Variants in ZNF589 observed in about 807,000 individuals in gnomAD.
The protein encoded by ZNF589 is KRAB-zinc finger protein SZF1-1.
A neutral mutation model predicts 13.6 loss-of-function variants in ZNF589; 17 were observed. The ratio of observed to expected loss-of-function variants is 1.25; its 90% CI spans 0.86 to 1.88. The LOEUF is 1.88. Ranked by LOEUF, ZNF589 falls within the 40% of genes most tolerant of loss-of-function variation. The pLI is 0.00. For missense variants in ZNF589, 407 were observed against 434.0 expected (o/e 0.94, Z 0.55); for synonymous variants, 148 against 161.6 (o/e 0.92, Z 0.64).
chr3:48,260,377 C>T (rs542060485), intron 2 of ZNF589, among the ~76,000 whole-genome samples: 29 of 152,004 alleles, frequency 1.9e-4, no homozygotes, highest in African/African-American at 6.8e-4. Flanking sequence ...TGGGCTCAAG[C>T]AATCCTCTCA....
At position 48,268,365 on chromosome 3, in the gene ZNF589, A is replaced by C; in HGVS notation, c.674A>C (p.Asn225Thr). 6.2e-7 allele frequency: 1 copy of C among 1,614,182 alleles called. No homozygotes were observed. Among genetic ancestry groups the C allele is most frequent in the South Asian group, 1.1e-5 (1 of 91,086 alleles). The change falls in exon 4 of 4, where the codon AAC becomes ACC. Residue 225 changes from asparagine (N) to threonine (T), a missense_variant. Coordinates refer to ENST00000354698, the MANE Select transcript of ZNF589 (RefSeq NM_016089.3). ...TTTGGGGAGTGTGCACTAGCTTTTAACCAGAAGTCAAACCTGTTCAGACAG... is the reference window on the plus strand; with the variant it reads ...TTTGGGGAGTGTGCACTAGCTTTTACCCAGAAGTCAAACCTGTTCAGACAG... Reference protein sequence around the residue: ...VTFGECALAFNQKSNLFRQKA... With the variant: ...VTFGECALAFTQKSNLFRQKA...
rs1211820157 is a variant in ZNF589 at position 48,269,031 on chromosome 3, G to C, written c.*245G>C. On this transcript the variant is annotated 3_prime_UTR_variant, in exon 4 of 4. Transcript: ENST00000354698. The stretch of plus-strand genomic sequence containing the variant: ...TCAGGGGAGAAGCCTTATGTGTGTG[G>C]GGAATGTGGGCGGGGATTTAGCCGG... 5 of 690,496 alleles carry C rather than the reference G, an allele frequency of 7.2e-6. No homozygotes were observed. Among genetic ancestry groups the C allele is most frequent in the Non-Finnish European group, 7.4e-6 (3 of 403,974 alleles). The allele number at this position is 690,496 out of a possible 1,614,324, so 42.8% of individuals were successfully genotyped here. A position where few individuals can be genotyped will look rare whatever the true frequency, so the allele number is the denominator to read the frequency against.
At chr3:48,248,696 T>C (rs977835677) in intron 2 of ZNF589, among the ~76,000 whole-genome samples, 1 of 152,138 alleles carries the variant, frequency 6.6e-6, no homozygotes, top group African/African-American at 2.4e-5. Context: ...AAATGATGCA[T>C]AGAGACAGGA....
chr3:48,268,694 A>C lies in ZNF589; in HGVS notation c.1003A>C (p.Thr335Pro). The C allele has an allele frequency of 6.2e-7, 1 of 1,613,988 alleles. No homozygotes were observed. Among genetic ancestry groups the C allele is most frequent in the Non-Finnish European group, 8.5e-7 (1 of 1,179,992 alleles). ...CACAAGGGAGAAATCGTTTATGTGCACAGTGTGTGGGCGAGGCTTTCGTGA... is the reference window on the plus strand; with the variant it reads ...CACAAGGGAGAAATCGTTTATGTGCCCAGTGTGTGGGCGAGGCTTTCGTGA... ...THTREKSFMC[T>P]VCGRGFREKS... Residue 335 changes from threonine to proline, a missense_variant, in exon 4 of 4, where the codon ACA becomes CCA. Coordinates refer to ENST00000354698, the MANE Select transcript of ZNF589 (RefSeq NM_016089.3).
chr3:48,251,967 A>T (rs1391606313), intron 2 of ZNF589, among the ~76,000 whole-genome samples: 5 of 151,666 alleles, frequency 3.3e-5, no homozygotes, highest in Admixed American at 2.6e-4. Context: ...TGAGCCTGGG[A>T]GGTTGAGGCT....
At chr3:48,258,375 C>G (rs571953248) in intron 2 of ZNF589, among the ~76,000 whole-genome samples, 1 of 152,062 alleles carries the variant, frequency 6.6e-6, no homozygotes, top group Non-Finnish European at 1.5e-5. Context: ...CATCTTGTAT[C>G]TTTCAGTCCT....
At chr3:48,246,046 G>T (rs1339907806) in intron 1 of ZNF589, among the ~76,000 whole-genome samples, 1 of 151,806 alleles carries the variant, frequency 6.6e-6, no homozygotes, top group Admixed American at 6.6e-5. Flanking sequence ...GGCGTCGTGG[G>T]TCATGCCTAT....
chr3:48,258,466 A>G (rs1193813768), intron 2 of ZNF589, among the ~76,000 whole-genome samples: 2 of 152,114 alleles, frequency 1.3e-5, no homozygotes, highest in Admixed American at 1.3e-4. Flanking sequence ...TCCTTGGCAA[A>G]TAGGGGTAAT....
chr3:48,252,226 C>T (rs542185268), intron 2 of ZNF589, among the ~76,000 whole-genome samples: 2 of 151,756 alleles, frequency 1.3e-5, no homozygotes, highest in Non-Finnish European at 2.9e-5. Context: ...GATTCTCGCT[C>T]TGTCTCCCAG....
In ZNF589 at chr3:48,269,504, A is replaced by G; in HGVS notation, c.*718A>G. 1 of 399,484 alleles carries G rather than the reference A, an allele frequency of 2.5e-6. No homozygotes were observed. Among genetic ancestry groups the G allele is most frequent in the Admixed American group, 3.5e-5 (1 of 28,516 alleles). 24.7% of individuals were successfully genotyped at this position (399,484 alleles called of 1,614,324 possible). On this transcript the variant is annotated 3_prime_UTR_variant, in exon 4 of 4. Transcript: ENST00000354698. ...GATACTCCTCAACAGACACTGGAGG[A>G]CACACACAGGAGAGAAACCTTACGC... is the stretch of plus-strand genomic sequence containing the variant.
rs181236718 is a variant in ZNF589, at chr3:48,245,663, G to T, written c.44-1962G>T. On this transcript the variant is annotated intron_variant, in intron 1 of 3. Coordinates refer to ENST00000354698, the MANE Select transcript of ZNF589 (RefSeq NM_016089.3). ...TTCCCCTCAGCAAAGATATGGAAGA[G>T]AAGGCTGGGCGCGGTGGCTCACGCC... is the stretch of plus-strand genomic sequence containing the variant. 2.2e-3 allele frequency among the ~76,000 whole-genome samples: 335 copies of T among 152,256 alleles called. 1 individual carries two copies. The highest frequency in any genetic ancestry group is 9.0e-3 in the Admixed American group (137 of 15,286).
At chr3:48,254,721 GCT>G (rs1471472107) in intron 2 of ZNF589, among the ~76,000 whole-genome samples, 1 of 151,902 alleles carries the variant, frequency 6.6e-6, no homozygotes, top group Admixed American at 6.6e-5. Context: ...TTTTTTTGGT[GCT>G]CTGTGTGTAT....
intron 3 of ZNF589, among the ~76,000 whole-genome samples, chr3:48,266,290 A>T (rs2034018098): frequency 6.6e-6 from 1 of 152,194 alleles, no homozygotes. Context: ...CCAGGCTTTG[A>T]CTACTCTAGG....
chr3:48,265,476 G>A (rs1223101392), intron 3 of ZNF589, among the ~76,000 whole-genome samples: 4 of 150,886 alleles, frequency 2.7e-5, no homozygotes, highest in Admixed American at 1.3e-4. Flanking sequence ...TAGTAGAGAC[G>A]GGGTTTCACT....
rs372877161 is a variant in ZNF589, at chr3:48,270,281, CCA to C, written c.*1499_*1500del. ...CAGTCCCAAATCCAAGATTCTTTAA[CCA>C]CACTCTAAAAGTTCTTCAGACTCAG... On this transcript the variant is annotated 3_prime_UTR_variant, in exon 4 of 4. Transcript: ENST00000354698. 1.5e-3 allele frequency: 685 copies of C among 455,168 alleles called. 7 individuals are homozygous for C. Among genetic ancestry groups the C allele is most frequent in the South Asian group, 0.01 (662 of 64,480 alleles). The allele number at this position is 455,168 out of a possible 1,614,324, so 28.2% of individuals were successfully genotyped here. A position where few individuals can be genotyped will look rare whatever the true frequency, so the allele number is the denominator to read the frequency against.
At chr3:48,252,390 A>C (rs564089973) in intron 2 of ZNF589, among the ~76,000 whole-genome samples, 15 of 151,604 alleles carry the variant, frequency 9.9e-5, no homozygotes, top group Admixed American at 1.3e-4. Flanking sequence ...ATGGGGTTTC[A>C]CCGTGTTAGC....
intron 1 of ZNF589, among the ~76,000 whole-genome samples, 158 bp downstream of exon 1, chr3:48,241,372 T>A (rs2033696847): frequency 1.3e-5 from 2 of 151,874 alleles, no homozygotes; most frequent in Non-Finnish European, 2.9e-5. Flanking sequence ...GGGGCCAGGT[T>A]CCTCCCTAGG....
At chr3:48,257,622 G>A (rs1399287570) in intron 2 of ZNF589, among the ~76,000 whole-genome samples, 1 of 151,952 alleles carries the variant, frequency 6.6e-6, no homozygotes, top group Non-Finnish European at 1.5e-5. Flanking sequence ...TTGGTGTCAT[G>A]TCTAAGAACT....
chr3:48,249,256 C>G (rs2033807499), intron 2 of ZNF589, among the ~76,000 whole-genome samples: 1 of 152,098 alleles, frequency 6.6e-6, no homozygotes, highest in Non-Finnish European at 1.5e-5. Flanking sequence ...GCACGCACCA[C>G]CACACACAGC....
Sources: gnomAD v4.1 joint callset for allele counts (sites outside exome capture counted in the v4.1 genomes callset) on GRCh38, gnomAD v4.1.1 for gene constraint, MANE v1.5 for transcripts, NCBI Gene and HGNC (gene_info 2026-07-23, HGNC 2026-07-21) for gene names.